ROCK1: variants seen among roughly 807,000 people sequenced by gnomAD.
The protein encoded by ROCK1 is rho-associated protein kinase 1.
A neutral mutation model predicts 196.8 loss-of-function variants in ROCK1; 36 were observed. The ratio of observed to expected loss-of-function variants is 0.18; its 90% CI spans 0.14 to 0.24. The LOEUF is 0.24. ROCK1 is among the 10% of genes least tolerant of loss of function. The probability of loss-of-function intolerance (pLI) is 1.00; values close to 1 mark genes in which losing one functional copy is unlikely to be tolerated. For missense variants in ROCK1, 920 were observed against 1,562.0 expected (o/e 0.59, Z 6.93); for synonymous variants, 443 against 515.9 (o/e 0.86, Z 1.91).
At chr18:21,000,097 A>C (rs557682707) in intron 16 of ROCK1, among the ~76,000 whole-genome samples, 1 of 152,310 alleles carries the variant, frequency 6.6e-6, no homozygotes, top group Admixed American at 6.5e-5. Context: ...GAAGAACAAC[A>C]AACTTGGAGG....
At chr18:21,066,075 T>A (rs893585889) in intron 2 of ROCK1, among the ~76,000 whole-genome samples, 3 of 152,174 alleles carry the variant, frequency 2.0e-5, no homozygotes, top group African/African-American at 7.2e-5. Flanking sequence ...AACAAAAATT[T>A]ACCTTTAATA....
At chr18:21,002,621 T>G (rs288989) in intron 16 of ROCK1, among the ~76,000 whole-genome samples, 1 of 151,986 alleles carries the variant, frequency 6.6e-6, no homozygotes, top group African/African-American at 2.4e-5. Flanking sequence ...TGAAGGAAGA[T>G]GGATAAAAAT....
chr18:20,991,235 T>C lies in ROCK1; in HGVS notation c.2084A>G (p.Lys695Arg). 1 of 1,613,362 alleles carries C rather than the reference T, an allele frequency of 6.2e-7. No homozygotes were observed. Among genetic ancestry groups the C allele is most frequent in the Non-Finnish European group, 8.5e-7 (1 of 1,179,648 alleles). ...EQEVNEHKVTKARLTDKHQSI... is the reference protein window; with the variant it reads ...EQEVNEHKVTRARLTDKHQSI... The stretch of plus-strand genomic sequence containing the variant: ...TTGATGTTTGTCAGTTAAACGAGCT[T>C]TGGTTACTTTGTGTTCATTTACCTC... Residue 695 changes from lysine (K) to arginine (R), a missense_variant, in exon 18 of 33, where the codon AAA becomes AGA. Lys to Arg is a conservative substitution (Grantham distance 26). Around this residue, in one of 6 missense-constraint regions of ROCK1, gnomAD observed 520 missense variants for 657.1 expected, o/e 0.79. Transcript: ENST00000399799.
At chr18:20,998,171 G>A (rs1251222878) in intron 16 of ROCK1, among the ~76,000 whole-genome samples, 1 of 151,846 alleles carries the variant, frequency 6.6e-6, no homozygotes, top group Admixed American at 6.6e-5. Flanking sequence ...ACAAATACCT[G>A]GAAATTAAAG....
intron 16 of ROCK1, among the ~76,000 whole-genome samples, chr18:21,002,027 C>A (rs1179343652): frequency 6.6e-6 from 1 of 152,016 alleles, no homozygotes; most frequent in African/African-American, 2.4e-5. Context: ...GAAAAAAAAT[C>A]ATTAAAAGTA....
chr18:20,978,046 G>T (rs923380372), intron 22 of ROCK1, among the ~76,000 whole-genome samples: 9 of 152,112 alleles, frequency 5.9e-5, no homozygotes, highest in Admixed American at 5.9e-4. Context: ...GTCAATTTTG[G>T]ACCTTAAATA....
chr18:21,000,746 A>G (rs958965549), intron 16 of ROCK1, among the ~76,000 whole-genome samples: 3 of 152,222 alleles, frequency 2.0e-5, no homozygotes, highest in Non-Finnish European at 4.4e-5. Context: ...ACTAACTGAA[A>G]AAAAGGAAAA....
At chr18:21,089,081 T>G (rs187735870) in intron 1 of ROCK1, among the ~76,000 whole-genome samples, 31 of 152,274 alleles carry the variant, frequency 2.0e-4, no homozygotes, top group Admixed American at 1.4e-3. Context: ...AGTCTTGCTC[T>G]GTTGCCCAGA....
At chr18:21,036,687 C>T (rs2036060309) in intron 9 of ROCK1, among the ~76,000 whole-genome samples, 2 of 152,030 alleles carry the variant, frequency 1.3e-5, no homozygotes, top group African/African-American at 4.8e-5. Context: ...AGAGGTCCTC[C>T]CACCTTGGCC....
chr18:20,977,037 T>C (rs1007740111), intron 22 of ROCK1, among the ~76,000 whole-genome samples: 3 of 152,170 alleles, frequency 2.0e-5, no homozygotes, highest in Admixed American at 6.5e-5. Context: ...ACTTCCACTA[T>C]AATTTTACAT....
chr18:20,948,472 ATTT>A lies in ROCK1; in HGVS notation c.*2909_*2911del, dbSNP rs541467171. On this transcript the variant is annotated 3_prime_UTR_variant, in exon 33 of 33. Transcript: ENST00000399799. ...GTTTGTCATTTAAGTTCTTTTACTT[ATTT>A]TTTTTACTTTAAATGAAGGGTGAAT... is the stretch of plus-strand genomic sequence containing the variant. 2.7e-5 allele frequency: 4 copies of A among 150,026 alleles called. No individual in the cohort carries two copies. Among genetic ancestry groups the A allele is most frequent in the Non-Finnish European group, 4.4e-5 (3 of 67,962 alleles). 9.3% of individuals were successfully genotyped at this position (150,026 alleles called of 1,614,324 possible). A position where few individuals can be genotyped will look rare whatever the true frequency, so the allele number is the denominator to read the frequency against.
chr18:21,020,774 G>A (rs2035907169), intron 11 of ROCK1, among the ~76,000 whole-genome samples: 1 of 152,164 alleles, frequency 6.6e-6, no homozygotes, highest in African/African-American at 2.4e-5. Flanking sequence ...AAGAAAATAT[G>A]ATATATTTGG....
In ROCK1 at chr18:20,947,189, T is replaced by C. The variant is rs991169676; in HGVS notation, c.*4195A>G. ...CTCTTTGTATGTTAGACTTTCAATATGTGAAGTGGAATTAATGTTATTCTT... is the reference window on the plus strand; with the variant it reads ...CTCTTTGTATGTTAGACTTTCAATACGTGAAGTGGAATTAATGTTATTCTT... On this transcript the variant is annotated 3_prime_UTR_variant, in exon 33 of 33. Transcript: ENST00000399799. The C allele has an allele frequency of 1.3e-5, 2 of 152,156 alleles. No individual in the cohort carries two copies. The highest frequency in any genetic ancestry group is 4.8e-5 in the African/African-American group (2 of 41,428). 9.4% of individuals were successfully genotyped at this position (152,156 alleles called of 1,614,324 possible). A position where few individuals can be genotyped will look rare whatever the true frequency, so the allele number is the denominator to read the frequency against.
intron 16 of ROCK1, 145 bp downstream of exon 16, chr18:21,006,204 AAC>A: frequency 1.5e-6 from 1 of 658,844 alleles, no homozygotes; most frequent in Non-Finnish European, 2.5e-6. Context: ...CAAAAGGACA[AAC>A]ACTGTATGAT....
intron 1 of ROCK1, among the ~76,000 whole-genome samples, chr18:21,077,580 C>CATCTAGGCCCAT (rs1279506135): frequency 6.9e-6 from 1 of 145,678 alleles, no homozygotes; most frequent in Non-Finnish European, 1.5e-5. Flanking sequence ...TACAATAGAC[C>CATCTAGGCCCAT]ATCTAGGCCC....
chr18:21,072,122 C>T (rs2036390628), intron 1 of ROCK1, among the ~76,000 whole-genome samples: 1 of 152,092 alleles, frequency 6.6e-6, no homozygotes, highest in African/African-American at 2.4e-5. Flanking sequence ...TGCAGTAATC[C>T]AAAGTACTTT....
intron 19 of ROCK1, among the ~76,000 whole-genome samples, chr18:20,985,578 A>G (rs2035571159): frequency 6.6e-6 from 1 of 152,184 alleles, no homozygotes; most frequent in South Asian, 2.1e-4. Flanking sequence ...CTATTTTAAT[A>G]TCTGTTTTTC....
intron 1 of ROCK1, among the ~76,000 whole-genome samples, chr18:21,077,807 T>C (rs570419997): frequency 6.6e-6 from 1 of 152,210 alleles, no homozygotes; most frequent in East Asian, 1.9e-4. Context: ...AGAGGGCAAA[T>C]CTGCAAAGAC....
intron 1 of ROCK1, among the ~76,000 whole-genome samples, chr18:21,075,464 T>A (rs2036421507): frequency 2.0e-5 from 3 of 152,228 alleles, no homozygotes; most frequent in Admixed American, 6.5e-5. Context: ...CTTTGGGATA[T>A]CATTTCATGA....
Sources: gnomAD v4.1 joint callset for allele counts (sites outside exome capture counted in the v4.1 genomes callset) on GRCh38, gnomAD v4.1.1 for gene constraint, gnomAD v4.1.1 regional missense constraint, MANE v1.5 for transcripts, NCBI Gene and HGNC (gene_info 2026-07-23, HGNC 2026-07-21) for gene names.